GALNT17: variants seen among roughly 807,000 people sequenced by gnomAD.
The protein encoded by GALNT17 is UDP-GalNAc:polypeptide N-acetylgalactosaminyltransferase-like 3.
A neutral mutation model predicts 63.7 loss-of-function variants in GALNT17; 29 were observed. The observed-to-expected ratio is 0.46, with a 90% confidence interval of 0.34 to 0.62. The LOEUF (loss-of-function observed/expected upper bound fraction) is 0.62. GALNT17 is among the 20% of genes least tolerant of loss of function. The pLI, the probability that GALNT17 is intolerant of heterozygous loss-of-function variation, is 0.01. For missense variants in GALNT17, 603 were observed against 799.6 expected (o/e 0.75, Z 2.97); for synonymous variants, 305 against 318.3 (o/e 0.96, Z 0.45).
intron 1 of GALNT17, among the ~76,000 whole-genome samples, chr7:71,317,685 G>A (rs1266436314): frequency 6.6e-6 from 1 of 152,086 alleles, no homozygotes; most frequent in African/African-American, 2.4e-5. Context: ...TGACAGTCTG[G>A]GTTTCTGTGT....
intron 1 of GALNT17, among the ~76,000 whole-genome samples, chr7:71,279,555 A>G (rs1056285833): frequency 3.9e-5 from 6 of 151,938 alleles, no homozygotes; most frequent in African/African-American, 1.5e-4. Flanking sequence ...CTAATCTAGT[A>G]GACCTCATCT....
intron 5 of GALNT17, among the ~76,000 whole-genome samples, chr7:71,516,853 A>G (rs1788453366): frequency 6.6e-6 from 1 of 152,146 alleles, no homozygotes; most frequent in Admixed American, 6.5e-5. Flanking sequence ...TTCGTGGCTA[A>G]ACTTCCTATG....
At chr7:71,494,523 TTTTG>T (rs965639438) in intron 5 of GALNT17, among the ~76,000 whole-genome samples, 6 of 152,124 alleles carry the variant, frequency 3.9e-5, no homozygotes, top group African/African-American at 1.2e-4. Context: ...TTTTTGTATT[TTTTG>T]TTTGTTTGTT....
intron 1 of GALNT17, among the ~76,000 whole-genome samples, chr7:71,260,140 C>G (rs1305897824): frequency 6.6e-6 from 1 of 152,164 alleles, no homozygotes; most frequent in Non-Finnish European, 1.5e-5. Context: ...TGATTTCTCC[C>G]TAACTGCTGG....
At chr7:71,571,172 A>C in intron 5 of GALNT17, 113 bp from the exon 6 acceptor site, 1 of 814,374 alleles carries the variant, frequency 1.2e-6, no homozygotes, top group Non-Finnish European at 2.1e-6. Flanking sequence ...AGTACATGCT[A>C]GGCTGGAACC....
At chr7:71,423,270 C>T (rs1786700080) in intron 5 of GALNT17, among the ~76,000 whole-genome samples, 1 of 152,190 alleles carries the variant, frequency 6.6e-6, no homozygotes, top group Non-Finnish European at 1.5e-5. Flanking sequence ...CACTTCCCTG[C>T]CCCTGTTGCA....
chr7:71,356,590 C>G (rs765293745), intron 2 of GALNT17, among the ~76,000 whole-genome samples: 2 of 152,030 alleles, frequency 1.3e-5, no homozygotes, highest in Non-Finnish European at 2.9e-5. Context: ...ACAATTAGCT[C>G]GCAGGGAACT....
At chr7:71,184,098 G>C (rs538070724) in intron 1 of GALNT17, among the ~76,000 whole-genome samples, 1 of 152,262 alleles carries the variant, frequency 6.6e-6, no homozygotes, top group East Asian at 1.9e-4. Context: ...AAAAAGAGGA[G>C]ATTAGGACAC....
intron 7 of GALNT17, 37 bp downstream of exon 7, chr7:71,665,633 A>G (rs760809814): frequency 1.3e-6 from 2 of 1,587,022 alleles, no homozygotes; most frequent in South Asian, 2.3e-5. Context: ...ACCCCAGTAC[A>G]GTGATCCTTA....
chr7:71,536,877 C>T (rs1200161396), intron 5 of GALNT17, among the ~76,000 whole-genome samples: 1 of 152,188 alleles, frequency 6.6e-6, no homozygotes. Flanking sequence ...AGATTCCTCA[C>T]GTTCTGATGC....
At chr7:71,477,366 A>T (rs1787741965) in intron 5 of GALNT17, among the ~76,000 whole-genome samples, 2 of 152,190 alleles carry the variant, frequency 1.3e-5, no homozygotes, top group South Asian at 4.1e-4. Flanking sequence ...TTTCACCGTT[A>T]GCTGTGAGAG....
chr7:71,452,696 G>C (rs1011321865), intron 5 of GALNT17, among the ~76,000 whole-genome samples: 1 of 152,214 alleles, frequency 6.6e-6, no homozygotes, highest in Non-Finnish European at 1.5e-5. Context: ...GTTTGTTCCT[G>C]AGAAGCAGTA....
chr7:71,654,305 A>G (rs7798745), intron 6 of GALNT17, among the ~76,000 whole-genome samples: 148,428 of 152,282 alleles, frequency 0.97, 72,436 homozygotes, highest in East Asian at 1. Context: ...AATTACAGGC[A>G]TGAGCCACTG....
intron 1 of GALNT17, among the ~76,000 whole-genome samples, chr7:71,138,953 C>T (rs767244703): frequency 1.3e-5 from 2 of 151,672 alleles, no homozygotes; most frequent in Non-Finnish European, 2.9e-5. Context: ...CCAGTCTGGG[C>T]GACGGAACAA....
chr7:71,459,481 T>C lies in GALNT17; in HGVS notation c.962+38376T>C, dbSNP rs112481655. Among the ~76,000 whole-genome samples the C allele has an allele frequency of 5.7e-3, 866 of 152,342 alleles. 4 individuals are homozygous for C. The highest frequency in any genetic ancestry group is 0.02 in the African/African-American group (816 of 41,592). ...TGAGGACTAAGCTCTAATTTTTTCT[T>C]GTCTTGCCCAAATATCTAAGAGACC... is the stretch of plus-strand genomic sequence containing the variant. On this transcript the variant is annotated intron_variant, in intron 5 of 10. Transcript: ENST00000333538.
intron 2 of GALNT17, among the ~76,000 whole-genome samples, chr7:71,361,808 CAGAGAGAGAG>C (rs373972800): frequency 3.4e-5 from 5 of 147,508 alleles, no homozygotes; most frequent in African/African-American, 1.2e-4. Context: ...GAGAGAGAGA[CAGAGAGAGAG>C]AGAGAGTGGG....
intron 5 of GALNT17, among the ~76,000 whole-genome samples, chr7:71,560,837 A>G (rs1789244029): frequency 6.6e-6 from 1 of 152,018 alleles, no homozygotes. Flanking sequence ...ATCCCTGGAG[A>G]CCCTGCCTGT....
intron 1 of GALNT17, among the ~76,000 whole-genome samples, chr7:71,199,316 A>G (rs1022481318): frequency 6.6e-6 from 1 of 151,942 alleles, no homozygotes; most frequent in African/African-American, 2.4e-5. Flanking sequence ...TTAGAACACT[A>G]CTGTTCCTAA....
chr7:71,431,209 C>CT (rs1265130879), intron 5 of GALNT17, among the ~76,000 whole-genome samples: 2,585 of 114,948 alleles, frequency 0.022, 47 homozygotes, highest in African/African-American at 0.027. Context: ...CTTTTCTTTT[C>CT]TTTTTTTTTT....
Sources: allele counts gnomAD v4.1 joint callset (sites outside exome capture counted in the v4.1 genomes callset), GRCh38; gene constraint gnomAD v4.1.1; transcripts MANE v1.5; gene names NCBI Gene and HGNC (gene_info 2026-07-23, HGNC 2026-07-21).